Variants in NOP9 observed in about 807,000 individuals in gnomAD.
NOP9 encodes the protein NOP9 nucleolar protein.
In NOP9, 50 loss-of-function variants were observed where a neutral mutation model predicts 63.0. The ratio of observed to expected loss-of-function variants is 0.79; its 90% CI spans 0.63 to 1.00. NOP9 has a LOEUF of 1.00. NOP9 is among the 50% of genes least tolerant of loss of function. The probability of loss-of-function intolerance (pLI) is 0.00; values close to 1 mark genes in which losing one functional copy is unlikely to be tolerated. For missense variants in NOP9, 758 were observed against 803.0 expected, an observed-to-expected ratio of 0.94 and a Z score of 0.68; for synonymous variants, 343 against 332.8, an observed-to-expected ratio of 1.03 and a Z score of -0.33.
At chr14:24,292,124 A>G in the NOP9 span, 1 of 1,605,096 alleles carries the variant, frequency 6.2e-7, no homozygotes. Flanking sequence ...TGATCTTGTT[A>G]TTGAGGATGC....
Position 24,303,220 on chromosome 14 carries a change from T to C in NOP9, c.1284+6T>C. 6.2e-7 allele frequency: 1 copy of C among 1,613,904 alleles called. No individual in the cohort carries two copies. Among genetic ancestry groups the C allele is most frequent in the Non-Finnish European group, 8.5e-7 (1 of 1,179,950 alleles). On this transcript the variant is annotated splice_donor_region_variant and intron_variant, in intron 6 of 9. Transcript: ENST00000267425. ...TCCTACAGCTCTTGTTGGAGGTGAG[T>C]GGATATTACCCACAATCTGTTTATG...
the NOP9 span, among the ~76,000 whole-genome samples, chr14:24,286,681 C>G: frequency 6.6e-6 from 1 of 152,078 alleles, no homozygotes; most frequent in South Asian, 2.1e-4. Context: ...CAAGCTCTGC[C>G]TCCCAGGTTC....
At chr14:24,283,599 G>A in the NOP9 span, among the ~76,000 whole-genome samples, 1 of 152,156 alleles carries the variant, frequency 6.6e-6, no homozygotes, top group African/African-American at 2.4e-5. Flanking sequence ...GTGAGACCCT[G>A]CCTCAATAAA....
At chr14:24,278,174 T>A in the NOP9 span, among the ~76,000 whole-genome samples, 1 of 152,028 alleles carries the variant, frequency 6.6e-6, no homozygotes, top group African/African-American at 2.4e-5. Flanking sequence ...CTCAGTGAAG[T>A]CACATACCCG....
upstream of NOP9, chr14:24,296,546 C>G (rs966668534): frequency 2.5e-6 from 4 of 1,614,044 alleles, no homozygotes; most frequent in African/African-American, 5.3e-5. Context: ...CACATGGAGG[C>G]AGGGGTTTCC....
the NOP9 span, chr14:24,292,260 G>C: frequency 6.2e-7 from 1 of 1,614,076 alleles, no homozygotes; most frequent in Non-Finnish European, 8.5e-7. Context: ...CACAATCCCC[G>C]GCCACAGAGA....
chr14:24,297,865 A>T (rs1338372854), upstream of NOP9, among the ~76,000 whole-genome samples: 1 of 151,494 alleles, frequency 6.6e-6, no homozygotes, highest in East Asian at 1.9e-4. Context: ...AGAACCACCT[A>T]CCTCCTCCAG....
At chr14:24,278,329 G>T in the NOP9 span, among the ~76,000 whole-genome samples, 1 of 152,210 alleles carries the variant, frequency 6.6e-6, no homozygotes, top group African/African-American at 2.4e-5. Flanking sequence ...TGGGGGTGCT[G>T]GTGGGATAGT....
At chr14:24,291,059 G>C in the NOP9 span, 1 of 1,613,348 alleles carries the variant, frequency 6.2e-7, no homozygotes, top group Non-Finnish European at 8.5e-7. Context: ...CCCTCACCTT[G>C]GCTGGAGAGA....
At chr14:24,278,175 C>T in the NOP9 span, among the ~76,000 whole-genome samples, 1 of 152,190 alleles carries the variant, frequency 6.6e-6, no homozygotes, top group African/African-American at 2.4e-5. Context: ...TCAGTGAAGT[C>T]ACATACCCGG....
the NOP9 span, among the ~76,000 whole-genome samples, chr14:24,281,674 G>A: frequency 6.6e-6 from 1 of 152,186 alleles, no homozygotes; most frequent in African/African-American, 2.4e-5. Flanking sequence ...GATGGGCCTG[G>A]CTGGATGAAT....
the NOP9 span, among the ~76,000 whole-genome samples, chr14:24,279,436 G>A: frequency 4.6e-5 from 7 of 152,208 alleles, no homozygotes; most frequent in Non-Finnish European, 1.5e-5. Context: ...GGCTGGGGAA[G>A]AAGACGAAAC....
the NOP9 span, chr14:24,292,447 G>A: frequency 6.6e-7 from 1 of 1,505,520 alleles, no homozygotes; most frequent in Non-Finnish European, 9.0e-7. Context: ...GAGCCCCAAG[G>A]TCTCAGCTGC....
At chr14:24,290,878 A>C in the NOP9 span, 1 of 1,613,764 alleles carries the variant, frequency 6.2e-7, no homozygotes, top group Admixed American at 1.7e-5. Flanking sequence ...GCTAGTGTAG[A>C]GGGCAATAAT....
the NOP9 span, chr14:24,291,172 G>A: frequency 6.2e-7 from 1 of 1,614,050 alleles, no homozygotes; most frequent in African/African-American, 1.3e-5. Context: ...CGTCGAGCAA[G>A]GTCACAGGAT....
rs1056714008 is a variant in NOP9, at chr14:24,306,978, C to G, written c.*1883C>G. ...TATCCTCTTACTCCTTTCAACAACC[C>G]TAGGAGGTGATGTATTATTATTGCC... is the stretch of plus-strand genomic sequence containing the variant. On this transcript the variant is annotated 3_prime_UTR_variant, in exon 10 of 10. Transcript: ENST00000267425. 3 of 249,408 alleles carry G rather than the reference C, an allele frequency of 1.2e-5. No homozygotes were observed. Among genetic ancestry groups the G allele is most frequent in the Non-Finnish European group, 2.4e-5 (3 of 127,080 alleles). The allele number at this position is 249,408 out of a possible 1,614,324, so 15.4% of individuals were successfully genotyped here.
chr14:24,304,255 G>A lies in NOP9; in HGVS notation c.1625G>A (p.Arg542His), dbSNP rs1261352664. ...TSPSVTRKLR[R>H]RVLQNLKGQY... ...CCCTCTGTGACGCGCAAGCTGCGCC[G>A]CCGTGTGCTGCAGAACCTAAAGGTT... The change falls in exon 8 of 10, where the codon CGC becomes CAC. Residue 542 changes from arginine (R) to histidine (H), a missense_variant. Transcript: ENST00000267425. The A allele has an allele frequency of 1.9e-6, 3 of 1,613,670 alleles. No homozygotes were observed. Among genetic ancestry groups the A allele is most frequent in the Middle Eastern group, 1.6e-4 (1 of 6,062 alleles).
At position 24,307,828 on chromosome 14, in the gene NOP9, C is replaced by A; in HGVS notation, c.*2733C>A. ...AGGGTTAGCAGTCACCTGAGTAAGTCACTGGGGTTCAGAGCTGAGAGGTAC... is the reference window on the plus strand; with the variant it reads ...AGGGTTAGCAGTCACCTGAGTAAGTAACTGGGGTTCAGAGCTGAGAGGTAC... On this transcript the variant is annotated 3_prime_UTR_variant, in exon 10 of 10. Coordinates refer to ENST00000267425, the MANE Select transcript of NOP9 (RefSeq NM_174913.3). 1 of 1,595,422 alleles carries A rather than the reference C, an allele frequency of 6.3e-7. No individual in the cohort carries two copies. Among genetic ancestry groups the A allele is most frequent in the Admixed American group, 1.8e-5 (1 of 57,052 alleles).
chr14:24,276,194 C>T, the NOP9 span, among the ~76,000 whole-genome samples: 3 of 151,816 alleles, frequency 2.0e-5, no homozygotes, highest in Non-Finnish European at 4.4e-5. Context: ...CTGTCCAACA[C>T]AGTGAAATGC....
Sources: allele counts gnomAD v4.1 joint callset (sites outside exome capture counted in the v4.1 genomes callset), GRCh38; gene constraint gnomAD v4.1.1; transcripts MANE v1.5; gene names NCBI Gene and HGNC (gene_info 2026-07-23, HGNC 2026-07-21).